The following OGFOD3 variants were observed in gnomAD, a reference collection of about 807,000 sequenced individuals.
OGFOD3 encodes the protein 2-oxoglutarate and iron dependent oxygenase domain containing 3, also known as 2-oxoglutarate and iron-dependent oxygenase domain-containing protein 3.
In OGFOD3, 35 loss-of-function variants were observed where a neutral mutation model predicts 39.8. The ratio of observed to expected loss-of-function variants is 0.88; its 90% CI spans 0.67 to 1.17. OGFOD3 has a LOEUF of 1.17. Ranked by LOEUF, OGFOD3 falls within the 50% of genes most tolerant of loss-of-function variation. The probability of loss-of-function intolerance (pLI) is 0.00; values close to 1 mark genes in which losing one functional copy is unlikely to be tolerated. For synonymous variants in OGFOD3, 200 were observed against 192.0 expected (o/e 1.04, Z -0.34); for missense variants, 438 against 454.5 (o/e 0.96, Z 0.33).
chr17:82,403,045 G>A (rs758434163), intron 7 of OGFOD3, among the ~76,000 whole-genome samples: 2 of 152,222 alleles, frequency 1.3e-5, no homozygotes, highest in Non-Finnish European at 2.9e-5. Context: ...GGGTGACAGA[G>A]TGAAGCTGTA....
Position 82,392,264 on chromosome 17 carries a change from C to A in OGFOD3, c.*134G>T, listed in dbSNP as rs934824900. 1 of 964,888 alleles carries A rather than the reference C, an allele frequency of 1.0e-6. No individual in the cohort carries two copies. Among genetic ancestry groups the A allele is most frequent in the Non-Finnish European group, 1.5e-6 (1 of 658,260 alleles). 59.8% of individuals were successfully genotyped at this position (964,888 alleles called of 1,614,324 possible). ...TTACTCACAGATGAAAAGATTAACACGTCAGCAAATCAAAATCAGAGAATT... is the reference window on the plus strand; with the variant it reads ...TTACTCACAGATGAAAAGATTAACAAGTCAGCAAATCAAAATCAGAGAATT... On this transcript the variant is annotated 3_prime_UTR_variant, in exon 9 of 9. Transcript: ENST00000313056. The surrounding 1 kb of genome is among the most constrained non-coding windows in gnomAD (Gnocchi z 4.2).
At chr17:82,408,661 A>T (rs540717998) in intron 4 of OGFOD3, among the ~76,000 whole-genome samples, 1 of 151,966 alleles carries the variant, frequency 6.6e-6, no homozygotes, top group East Asian at 1.9e-4. Flanking sequence ...CACTGCTCCC[A>T]TCTCTGCCTC....
chr17:82,403,735 C>A (rs1478412423), intron 7 of OGFOD3, among the ~76,000 whole-genome samples: 2 of 151,982 alleles, frequency 1.3e-5, no homozygotes, highest in Non-Finnish European at 1.5e-5. Context: ...ACCTTGACCA[C>A]ATGCGCGCTC....
chr17:82,401,517 T>A (rs560519862), intron 7 of OGFOD3: 3 of 152,044 alleles, frequency 2.0e-5, no homozygotes, highest in East Asian at 3.9e-4. Context: ...AACTGCAATC[T>A]CTCTCTCCTT....
At chr17:82,417,434 C>A (rs1232562642) in intron 1 of OGFOD3, 3 of 151,908 alleles carry the variant, frequency 2.0e-5, no homozygotes, top group Admixed American at 2.0e-4. Context: ...GCCTGGCCAA[C>A]ATGGTGAAAC....
At chr17:82,402,809 C>A (rs1046701137) in intron 7 of OGFOD3, among the ~76,000 whole-genome samples, 3 of 151,598 alleles carry the variant, frequency 2.0e-5, no homozygotes, top group South Asian at 2.1e-4. Context: ...AATCCCAGCA[C>A]CTTGGGAGGC....
rs899013461 is a variant in OGFOD3, at chr17:82,394,639, G to T, written c.824-2105C>A. 4.4e-5 allele frequency: 43 copies of T among 987,884 alleles called. 2 individuals are homozygous for T. In the South Asian group the frequency reaches 7.4e-4, roughly 17 times the overall value. 61.2% of individuals were successfully genotyped at this position (987,884 alleles called of 1,614,324 possible). ...CCCTCCAGAGAGAGGCCTGGCCTTT[G>T]CCCCGGCTCCCAGGGGGGACCTCTG... On this transcript the variant is annotated intron_variant, in intron 8 of 8. Transcript: ENST00000313056.
chr17:82,392,153 C>G lies in OGFOD3; in HGVS notation c.*245G>C, dbSNP rs1441352954. ...GGACTTGTGCCCCGTCCTGCTGGGT[C>G]CCTTTCCTGGCCTCCACCTCAGGCT... On this transcript the variant is annotated 3_prime_UTR_variant, in exon 9 of 9. Coordinates refer to ENST00000313056, the MANE Select transcript of OGFOD3 (RefSeq NM_024648.3). This position sits in a 1 kb window ranked among gnomAD's most constrained non-coding sequence, Gnocchi z 4.2. The G allele has an allele frequency of 3.5e-6, 2 of 567,348 alleles. No individual in the cohort carries two copies. Among genetic ancestry groups the G allele is most frequent in the South Asian group, 4.2e-5 (2 of 47,064 alleles). 35.1% of individuals were successfully genotyped at this position (567,348 alleles called of 1,614,324 possible).
Position 82,413,040 on chromosome 17 carries a change from A to G in OGFOD3, c.305-1510T>C, listed in dbSNP as rs376978645. ...TGTGCCAGGAGATAAACAGAGCTCC[A>G]CTTGGCTGAATATCAGGGAAGGGGG... On this transcript the variant is annotated intron_variant, in intron 2 of 8. Coordinates refer to ENST00000313056, the MANE Select transcript of OGFOD3 (RefSeq NM_024648.3). Among the ~76,000 whole-genome samples the G allele has an allele frequency of 3.9e-5, 6 of 152,206 alleles. No homozygotes were observed. In the East Asian group the frequency reaches 1.2e-3, roughly 29 times the overall value.
chr17:82,397,283 C>A (rs1459455458), intron 8 of OGFOD3, among the ~76,000 whole-genome samples: 1 of 151,730 alleles, frequency 6.6e-6, no homozygotes, highest in Non-Finnish European at 1.5e-5. Flanking sequence ...GAGAGGCCAC[C>A]CCACAGGTGA....
rs1377475926 is a variant in OGFOD3 at position 82,392,767 on chromosome 17, GGACTCT to G, written c.824-239_824-234del. ...AGGAGGGGCCCCCCGGGGCCAGCAG[GGACTCT>G]GTGGTGGGCAGGACAGAGGAAGATG... On this transcript the variant is annotated intron_variant, in intron 8 of 8. Transcript: ENST00000313056. This position sits in a 1 kb window ranked among gnomAD's most constrained non-coding sequence, Gnocchi z 4.2. The G allele has an allele frequency of 1.7e-6, 1 of 572,210 alleles. No homozygotes were observed. The highest frequency in any genetic ancestry group is 1.9e-5 in the African/African-American group (1 of 53,276). 35.4% of individuals were successfully genotyped at this position (572,210 alleles called of 1,614,324 possible). A position where few individuals can be genotyped will look rare whatever the true frequency, so the allele number is the denominator to read the frequency against.
At chr17:82,417,830 A>T (rs1487803408) in intron 1 of OGFOD3, among the ~76,000 whole-genome samples, 1 of 152,072 alleles carries the variant, frequency 6.6e-6, no homozygotes, top group Non-Finnish European at 1.5e-5. Context: ...AATAGAGGGG[A>T]ATTGGGCACT....
At chr17:82,407,417 C>A (rs1321215119) in intron 4 of OGFOD3, among the ~76,000 whole-genome samples, 1 of 152,232 alleles carries the variant, frequency 6.6e-6, no homozygotes, top group Non-Finnish European at 1.5e-5. Context: ...GTGTTGACTT[C>A]TCTCGAGTAA....
chr17:82,397,570 C>T (rs2052696077), intron 8 of OGFOD3, among the ~76,000 whole-genome samples: 1 of 152,144 alleles, frequency 6.6e-6, no homozygotes, highest in South Asian at 2.1e-4. Context: ...CCCCACTCCC[C>T]ACACCCTCCC....
chr17:82,407,786 C>G (rs1365748549), intron 4 of OGFOD3, among the ~76,000 whole-genome samples: 1 of 152,204 alleles, frequency 6.6e-6, no homozygotes, highest in Non-Finnish European at 1.5e-5. Context: ...GAAACAGAAA[C>G]CTACTCACTC....
rs950205425 is a variant in OGFOD3 at position 82,392,308 on chromosome 17, A to G, written c.*90T>C. 1 of 1,408,732 alleles carries G rather than the reference A, an allele frequency of 7.1e-7. No homozygotes were observed. The highest frequency in any genetic ancestry group is 1.4e-5 in the African/African-American group (1 of 70,306). The allele number at this position is 1,408,732 out of a possible 1,614,324, so 87.3% of individuals were successfully genotyped here. On this transcript the variant is annotated 3_prime_UTR_variant, in exon 9 of 9. Coordinates refer to ENST00000313056, the MANE Select transcript of OGFOD3 (RefSeq NM_024648.3). This position sits in a 1 kb window ranked among gnomAD's most constrained non-coding sequence, Gnocchi z 4.2. ...GAGAATTCCTAAGGCACTCTGTGCA[A>G]CAGGAGCGGGTGGACGTGGGGGTGG...
chr17:82,408,899 G>A (rs1237816694), intron 4 of OGFOD3, among the ~76,000 whole-genome samples: 1 of 152,230 alleles, frequency 6.6e-6, no homozygotes, highest in Non-Finnish European at 1.5e-5. Context: ...CCTCACATGG[G>A]ACGACAGCCC....
Position 82,403,973 on chromosome 17 carries a change from C to A in OGFOD3, c.663G>T (p.Thr221=). The change falls in exon 7 of 9, where the codon ACG becomes ACT. Residue 221 remains threonine (T), a synonymous_variant. Coordinates refer to ENST00000313056, the MANE Select transcript of OGFOD3 (RefSeq NM_024648.3). The part of the protein sequence containing the change: ...FSRINSTEAR[T]AHDEYWHAHV... ...GCGCATGCCAGTACTCGTCGTGCGC[C>A]GTCCGCGCTTCCGTGCTGTTTATGC... 1 of 1,609,046 alleles carries A rather than the reference C, an allele frequency of 6.2e-7. No homozygotes were observed. Among genetic ancestry groups the A allele is most frequent in the Non-Finnish European group, 8.5e-7 (1 of 1,178,298 alleles).
chr17:82,396,131 C>A (rs908724475), intron 8 of OGFOD3, among the ~76,000 whole-genome samples: 1 of 151,756 alleles, frequency 6.6e-6, no homozygotes, highest in Non-Finnish European at 1.5e-5. Flanking sequence ...CAGGGAAACA[C>A]ATAGATACAA....
Sources: allele counts gnomAD v4.1 joint callset (sites outside exome capture counted in the v4.1 genomes callset), GRCh38; gene constraint gnomAD v4.1.1; non-coding constraint Gnocchi (gnomAD v3.1); transcripts MANE v1.5; gene names NCBI Gene and HGNC (gene_info 2026-07-23, HGNC 2026-07-21).